The following DENND5B variants were observed in gnomAD, a reference collection of about 807,000 sequenced individuals.
DENND5B encodes the protein DENN domain containing 5B, also known as DENN domain-containing protein 5B.
A neutral mutation model predicts 140.6 loss-of-function variants in DENND5B; 34 were observed. The observed-to-expected ratio is 0.24, with a 90% CI of 0.18 to 0.32. The LOEUF (loss-of-function observed/expected upper bound fraction) is 0.32, where lower values mean the gene tolerates loss of function less well. Among genes scored for constraint, DENND5B ranks in the 10% least tolerant of loss-of-function variants. DENND5B has a pLI of 1.00. For synonymous variants in DENND5B, 551 were observed against 562.1 expected (o/e 0.98, Z 0.28); for missense variants, 1,142 against 1,560.2 (o/e 0.73, Z 4.52).
At chr12:31,460,053 G>A in intron 4 of DENND5B, 141 bp downstream of exon 4, 1 of 783,306 alleles carries the variant, frequency 1.3e-6, no homozygotes, top group South Asian at 2.0e-5. Context: ...CTATAGCTCA[G>A]GCTCTCCCCT....
rs573309719 is a variant in DENND5B, at chr12:31,509,428, C to T, written c.128-13509G>A. ...AGAGACCCATAGTTTTGTATGCCTA[C>T]AGGCCTAGCTACTTGGGAGGCTACA... is the stretch of plus-strand genomic sequence containing the variant. On this transcript the variant is annotated intron_variant, in intron 1 of 20. Coordinates refer to ENST00000389082, the MANE Select transcript of DENND5B (RefSeq NM_144973.4). Among the ~76,000 whole-genome samples, 17 of 152,286 alleles carry T rather than the reference C, an allele frequency of 1.1e-4. No individual in the cohort carries two copies. The South Asian group carries it at 2.1e-3, about 19-fold the overall frequency.
In DENND5B at chr12:31,569,290, A is replaced by G. The variant is rs181912427; in HGVS notation, c.127+21416T>C. ...CACCATGCTGCGCAGGCTGGTCTCG[A>G]ACTCCTGAGCTCAAGCAATTCACCT... On this transcript the variant is annotated intron_variant, in intron 1 of 20. Transcript: ENST00000389082. Among the ~76,000 whole-genome samples the G allele has an allele frequency of 3.4e-3, 510 of 152,066 alleles. 3 individuals are homozygous for G. The highest frequency in any genetic ancestry group is 0.011 in the African/African-American group (473 of 41,488).
At chr12:31,479,076 T>C (rs181047823) in intron 3 of DENND5B, among the ~76,000 whole-genome samples, 63 of 152,284 alleles carry the variant, frequency 4.1e-4, no homozygotes, top group African/African-American at 1.4e-3. Flanking sequence ...CCTGCTCACC[T>C]TTTCTCTCAC....
chr12:31,563,322 C>T (rs181060846), intron 1 of DENND5B, among the ~76,000 whole-genome samples: 1 of 152,326 alleles, frequency 6.6e-6, no homozygotes, highest in Admixed American at 6.5e-5. Context: ...TGATCCTACT[C>T]TTTCTAAAAT....
chr12:31,587,413 CATATTCATAT>C (rs1270043025), intron 1 of DENND5B, among the ~76,000 whole-genome samples: 3 of 150,344 alleles, frequency 2.0e-5, no homozygotes, highest in African/African-American at 7.3e-5. Context: ...AGAATTCATA[CATATTCATAT>C]AAATCATCAG....
At chr12:31,453,271 A>G (rs1015958969) in intron 4 of DENND5B, among the ~76,000 whole-genome samples, 9 of 151,818 alleles carry the variant, frequency 5.9e-5, no homozygotes, top group East Asian at 1.9e-4. Context: ...TTCACACAAG[A>G]TATTTTTGAG....
intron 1 of DENND5B, among the ~76,000 whole-genome samples, chr12:31,521,155 C>CA (rs1222811013): frequency 6.7e-6 from 1 of 150,358 alleles, no homozygotes; most frequent in Non-Finnish European, 1.5e-5. Context: ...ATAAGGATGC[C>CA]AAGGGAAATA....
chr12:31,416,101 T>C (rs1415284444), intron 11 of DENND5B, among the ~76,000 whole-genome samples: 1 of 152,072 alleles, frequency 6.6e-6, no homozygotes, highest in East Asian at 1.9e-4. Context: ...CCTCCCAAAG[T>C]GCTGGAATTA....
At chr12:31,398,536 A>T (rs1378070363) in intron 16 of DENND5B, among the ~76,000 whole-genome samples, 174 bp from the exon 17 acceptor site, 1 of 152,066 alleles carries the variant, frequency 6.6e-6, no homozygotes, top group Non-Finnish European at 1.5e-5. Context: ...TCTTGGCCTC[A>T]AGTGATCCCC....
intron 5 of DENND5B, among the ~76,000 whole-genome samples, chr12:31,450,278 G>C (rs1358059795): frequency 2.6e-5 from 4 of 152,116 alleles, no homozygotes; most frequent in African/African-American, 9.7e-5. Flanking sequence ...CTGATGTGGG[G>C]AAAAACAAAG....
Position 31,389,356 on chromosome 12 carries a change from G to A in DENND5B, c.3609C>T (p.Gly1203=), listed in dbSNP as rs372710210. 1.9e-6 allele frequency: 3 copies of A among 1,612,806 alleles called. No individual in the cohort carries two copies. The highest frequency in any genetic ancestry group is 1.7e-5 in the Admixed American group (1 of 59,866). ...CAAGGCAAACTAAAATCTGGAATTT[G>A]CCATCCTTCCCAATGTTCCTGGGTG... is the stretch of plus-strand genomic sequence containing the variant. ...NTAPRNIGKD[G]KFQILVCLGT... The change falls in exon 20 of 21, where the codon GGC becomes GGT. Residue 1203 remains glycine (G), a synonymous_variant. Coordinates refer to ENST00000389082, the MANE Select transcript of DENND5B (RefSeq NM_144973.4).
intron 1 of DENND5B, among the ~76,000 whole-genome samples, chr12:31,581,432 T>C (rs934336591): frequency 6.6e-6 from 1 of 152,084 alleles, no homozygotes; most frequent in Non-Finnish European, 1.5e-5. Flanking sequence ...CAGTGGCCTG[T>C]AATCCTAGCA....
At chr12:31,555,311 G>A (rs1258599145) in intron 1 of DENND5B, among the ~76,000 whole-genome samples, 1 of 152,202 alleles carries the variant, frequency 6.6e-6, no homozygotes, top group Non-Finnish European at 1.5e-5. Context: ...GAGTTTGCTG[G>A]AGGTCCACTC....
intron 2 of DENND5B, among the ~76,000 whole-genome samples, chr12:31,495,207 T>C (rs1431406663): frequency 6.6e-6 from 1 of 152,178 alleles, no homozygotes; most frequent in Non-Finnish European, 1.5e-5. Context: ...TCACTGTTTA[T>C]CAAAGCTTCT....
intron 1 of DENND5B, among the ~76,000 whole-genome samples, chr12:31,505,867 T>C (rs1294009893): frequency 6.6e-6 from 1 of 152,158 alleles, no homozygotes; most frequent in African/African-American, 2.4e-5. Flanking sequence ...AGTCTCACTC[T>C]GTTGTTGTCC....
Position 31,389,497 on chromosome 12 carries a change from C to A in DENND5B, c.3468G>T (p.Glu1156Asp). ...TTGTTTCAAAATAAGCAACCACTTT[C>A]TCTGAGGAAAAAAGTCAGAATTATG... ...HKNVFIWDFI[E>D]KVVAYFETTD... Residue 1156 changes from glutamate (E) to aspartate (D), a missense_variant and splice_region_variant, in exon 20 of 21, where the codon GAG becomes GAT. Physicochemically the swap from Glu to Asp is conservative, Grantham distance 45 (BLOSUM62 2). Transcript: ENST00000389082. 1 of 1,575,514 alleles carries A rather than the reference C, an allele frequency of 6.3e-7. No homozygotes were observed. The highest frequency in any genetic ancestry group is 1.2e-5 in the South Asian group (1 of 85,886).
intron 3 of DENND5B, among the ~76,000 whole-genome samples, chr12:31,475,082 C>T (rs545824685): frequency 3.3e-5 from 5 of 152,244 alleles, no homozygotes; most frequent in Non-Finnish European, 7.4e-5. Flanking sequence ...GGGCAGATTA[C>T]TTAGTTTCCC....
Position 31,469,817 on chromosome 12 carries a change from C to T in DENND5B, c.905-9436G>A, listed in dbSNP as rs555873561. 9.4e-4 allele frequency among the ~76,000 whole-genome samples: 143 copies of T among 152,200 alleles called. 1 individual carries two copies. The highest frequency in any genetic ancestry group is 3.3e-3 in the African/African-American group (137 of 41,534). Reference sequence around the variant, plus strand: ...TTATTGAAAAGAGTCTGGCATCTCCCTCCTCTCTCTTGCTTCCTTCCTCTT... The same window carrying T: ...TTATTGAAAAGAGTCTGGCATCTCCTTCCTCTCTCTTGCTTCCTTCCTCTT... On this transcript the variant is annotated intron_variant, in intron 3 of 20. Coordinates refer to ENST00000389082, the MANE Select transcript of DENND5B (RefSeq NM_144973.4).
chr12:31,571,854 C>T (rs1949833977), intron 1 of DENND5B, among the ~76,000 whole-genome samples: 1 of 152,196 alleles, frequency 6.6e-6, no homozygotes, highest in African/African-American at 2.4e-5. Flanking sequence ...GGTGATCTGC[C>T]CGCTTTGACC....
Sources: allele counts gnomAD v4.1 joint callset (sites outside exome capture counted in the v4.1 genomes callset), GRCh38; gene constraint gnomAD v4.1.1; transcripts MANE v1.5; gene names NCBI Gene and HGNC (gene_info 2026-07-23, HGNC 2026-07-21).